The following ZNF793 variants were observed in gnomAD, a reference collection of about 807,000 sequenced individuals.
ZNF793 encodes the protein zinc finger protein 793.
ZNF793 carries 5 observed loss-of-function variants against 12.4 expected under a neutral mutation model. The ratio of observed to expected loss-of-function variants is 0.40; its 90% CI spans 0.21 to 0.84. ZNF793 has a LOEUF of 0.84. ZNF793 is among the 40% of genes least tolerant of loss of function. The pLI is 0.35. For missense variants in ZNF793, 456 were observed against 495.0 expected, an observed-to-expected ratio of 0.92 and a Z score of 0.75; for synonymous variants, 162 against 172.4, an observed-to-expected ratio of 0.94 and a Z score of 0.47.
chr19:37,521,148 C>T (rs754553287), intron 3 of ZNF793, among the ~76,000 whole-genome samples: 21 of 151,920 alleles, frequency 1.4e-4, no homozygotes, highest in African/African-American at 2.4e-4. Context: ...CCACCATGCC[C>T]GGCTTATTTT....
intron 5 of ZNF793, among the ~76,000 whole-genome samples, chr19:37,530,511 G>A (rs529160456): frequency 6.6e-6 from 1 of 152,242 alleles, no homozygotes; most frequent in African/African-American, 2.4e-5. Context: ...TTGAGATTAG[G>A]GAGTGGTGAT....
chr19:37,517,729 T>G (rs193055276), intron 2 of ZNF793, among the ~76,000 whole-genome samples: 1 of 152,286 alleles, frequency 6.6e-6, no homozygotes, highest in East Asian at 1.9e-4. Flanking sequence ...AGTGCCTAAG[T>G]TGAGATCAGG....
intron 5 of ZNF793, among the ~76,000 whole-genome samples, chr19:37,529,318 G>C (rs1239146393): frequency 6.6e-6 from 1 of 152,082 alleles, no homozygotes; most frequent in African/African-American, 2.4e-5. Flanking sequence ...TCCTGCTTGT[G>C]AACATCACCT....
intron 7 of ZNF793, chr19:37,534,669 A>G (rs912615773): frequency 4.7e-5 from 7 of 148,396 alleles, no homozygotes; most frequent in Non-Finnish European, 1.5e-5. Context: ...ATGGCTTTAA[A>G]TCTTCCTCTC....
At chr19:37,510,736 G>A (rs1251598372) in intron 2 of ZNF793, among the ~76,000 whole-genome samples, 1 of 147,160 alleles carries the variant, frequency 6.8e-6, no homozygotes, top group Non-Finnish European at 1.5e-5. Flanking sequence ...TCACTCTATT[G>A]CCCAGGCTGG....
intron 5 of ZNF793, among the ~76,000 whole-genome samples, chr19:37,527,589 G>A (rs1338226781): frequency 2.0e-5 from 3 of 152,104 alleles, no homozygotes; most frequent in Non-Finnish European, 4.4e-5. Context: ...CCCAGGGTAG[G>A]CTGAGCTGAT....
At position 37,540,259 on chromosome 19, in the gene ZNF793, C is replaced by T. The variant is rs2042542859; in HGVS notation, c.*2380C>T. 9.3e-6 allele frequency: 1 copy of T among 107,864 alleles called. No homozygotes were observed. Among genetic ancestry groups the T allele is most frequent in the Admixed American group, 1.0e-4 (1 of 9,994 alleles). The allele number at this position is 107,864 out of a possible 1,614,324, so 6.7% of individuals were successfully genotyped here. On this transcript the variant is annotated 3_prime_UTR_variant, in exon 8 of 8. Transcript: ENST00000627814. ...TCCAGCCTGGGTGACAAGAGCGAAACTCCGTCAAAAAAAAAAAAAAAAAAA... is the reference window on the plus strand; with the variant it reads ...TCCAGCCTGGGTGACAAGAGCGAAATTCCGTCAAAAAAAAAAAAAAAAAAA...
rs1378459877 is a variant in ZNF793 at position 37,539,782 on chromosome 19, A to G, written c.*1903A>G. Reference sequence around the variant, plus strand: ...TAGAAAACTTGGTAGGATAGTTAACATTGAAAAACTCAAAAAAGCTATTAA... The same window carrying G: ...TAGAAAACTTGGTAGGATAGTTAACGTTGAAAAACTCAAAAAAGCTATTAA... On this transcript the variant is annotated 3_prime_UTR_variant, in exon 8 of 8. Transcript: ENST00000627814. The G allele has an allele frequency of 6.6e-6, 1 of 152,210 alleles. No individual in the cohort carries two copies. Among genetic ancestry groups the G allele is most frequent in the Non-Finnish European group, 1.5e-5 (1 of 68,034 alleles). The allele number at this position is 152,210 out of a possible 1,614,324, so 9.4% of individuals were successfully genotyped here.
intron 5 of ZNF793, 46 bp from the exon 6 acceptor site, chr19:37,532,310 A>G: frequency 6.3e-7 from 1 of 1,587,052 alleles, no homozygotes; most frequent in East Asian, 2.3e-5. Context: ...GGCCCTGCAC[A>G]AACATTTTTT....
chr19:37,508,339 A>G lies in ZNF793; in HGVS notation c.-340A>G, dbSNP rs890923189. ...GAGTGAGGCTGGTTTCTGGAAATCC[A>G]TTCTGACTCTGTGACAGCGGGGATG... is the stretch of plus-strand genomic sequence containing the variant. On this transcript the variant is annotated 5_prime_UTR_variant, in exon 2 of 8. Coordinates refer to ENST00000627814, the MANE Select transcript of ZNF793 (RefSeq NM_001013659.3). The G allele has an allele frequency of 2.6e-5, 4 of 152,156 alleles. No homozygotes were observed. The highest frequency in any genetic ancestry group is 4.4e-5 in the Non-Finnish European group (3 of 68,032). 9.4% of individuals were successfully genotyped at this position (152,156 alleles called of 1,614,324 possible).
intron 5 of ZNF793, 29 bp from the exon 6 acceptor site, chr19:37,532,327 A>T: frequency 5.0e-6 from 8 of 1,604,870 alleles, no homozygotes; most frequent in Non-Finnish European, 6.8e-6. Context: ...TTTTTTCGAC[A>T]TGACTCAATG....
rs2042534298 is a variant in ZNF793 at position 37,539,040 on chromosome 19, G to A, written c.*1161G>A. ...CCACCTTTTTGTAATACATGTAAAT[G>A]GCTATAGAGGTTGTTACTGTCCTCT... On this transcript the variant is annotated 3_prime_UTR_variant, in exon 8 of 8. Coordinates refer to ENST00000627814, the MANE Select transcript of ZNF793 (RefSeq NM_001013659.3). The A allele has an allele frequency of 6.6e-6, 1 of 152,112 alleles. No individual in the cohort carries two copies. Among genetic ancestry groups the A allele is most frequent in the African/African-American group, 2.4e-5 (1 of 41,386 alleles). The allele number at this position is 152,112 out of a possible 1,614,324, so 9.4% of individuals were successfully genotyped here.
intron 3 of ZNF793, among the ~76,000 whole-genome samples, chr19:37,522,011 G>A (rs1021799422): frequency 1.1e-4 from 17 of 151,896 alleles, no homozygotes; most frequent in African/African-American, 4.1e-4. Context: ...TATTTTCTAA[G>A]AATAAGAACT....
chr19:37,517,945 C>T (rs1189168971), intron 2 of ZNF793, among the ~76,000 whole-genome samples: 6 of 152,038 alleles, frequency 3.9e-5, no homozygotes, highest in Non-Finnish European at 2.9e-5. Flanking sequence ...GAAAATGAAA[C>T]GTAAATTCCT....
chr19:37,531,575 C>A (rs1313680643), intron 5 of ZNF793, among the ~76,000 whole-genome samples: 1 of 152,228 alleles, frequency 6.6e-6, no homozygotes, highest in Admixed American at 6.5e-5. Context: ...TTTGTTCCCA[C>A]TGCTCCCCTG....
intron 5 of ZNF793, among the ~76,000 whole-genome samples, chr19:37,527,385 A>G (rs989880872): frequency 1.3e-5 from 2 of 152,140 alleles, no homozygotes; most frequent in African/African-American, 4.8e-5. Context: ...ACAGATTTCA[A>G]AATATTGATT....
chr19:37,527,772 T>TGTTA (rs2042427581), intron 5 of ZNF793, among the ~76,000 whole-genome samples: 1 of 152,156 alleles, frequency 6.6e-6, no homozygotes, highest in Non-Finnish European at 1.5e-5. Context: ...CTCATAGAAC[T>TGTTA]CACTGAAAGC....
Position 37,537,463 on chromosome 19 carries a change from A to G in ZNF793, c.805A>G (p.Thr269Ala), listed in dbSNP as rs774895772. ...DCGKAFSHKS[T>A]LIKHQRIHTG... ...TGGGAAAGCCTTTTCACATAAGTCA[A>G]CCCTCATCAAACACCAGAGAATTCA... The change falls in exon 8 of 8, where the codon ACC becomes GCC. Residue 269 changes from threonine to alanine, a missense_variant. By Grantham distance (58) the Thr-to-Ala change is moderately conservative. Transcript: ENST00000627814. The G allele has an allele frequency of 6.8e-6, 11 of 1,613,762 alleles. No homozygotes were observed. The East Asian group carries it at 1.8e-4, about 26-fold the overall frequency.
chr19:37,532,624 A>G, intron 6 of ZNF793, 142 bp downstream of exon 6: 1 of 861,646 alleles, frequency 1.2e-6, no homozygotes, highest in Non-Finnish European at 1.7e-6. Context: ...CTGCCTGGCC[A>G]GCATGGTGAA....
Sources: allele counts gnomAD v4.1 joint callset (sites outside exome capture counted in the v4.1 genomes callset), GRCh38; gene constraint gnomAD v4.1.1; transcripts MANE v1.5; gene names NCBI Gene and HGNC (gene_info 2026-07-23, HGNC 2026-07-21).